The following FUBP3 variants were observed in gnomAD, a reference collection of about 807,000 sequenced individuals.
FUBP3 encodes far upstream element-binding protein 3.
In FUBP3, 28 loss-of-function variants were observed where a neutral mutation model predicts 85.6. The observed-to-expected ratio is 0.33, with a 90% CI of 0.24 to 0.45. FUBP3 has a LOEUF of 0.45. Among genes scored for constraint, FUBP3 ranks in the 20% least tolerant of loss-of-function variants. The probability of loss-of-function intolerance (pLI) is 1.00; values close to 1 mark genes in which losing one functional copy is unlikely to be tolerated. For missense variants in FUBP3, 583 were observed against 755.1 expected, an observed-to-expected ratio of 0.77 and a Z score of 2.67; for synonymous variants, 271 against 271.4, an observed-to-expected ratio of 1.00 and a Z score of 0.01.
Position 130,579,619 on chromosome 9 carries a change from C to A in FUBP3, c.-62C>A. Reference sequence around the variant, plus strand: ...CCCCAAGCGGAGCGGGAGGCCGGACCGGGGAGCCGAGCGGCGGCGTCGGCG... The same window carrying A: ...CCCCAAGCGGAGCGGGAGGCCGGACAGGGGAGCCGAGCGGCGGCGTCGGCG... On this transcript the variant is annotated 5_prime_UTR_variant, in exon 1 of 19. Coordinates refer to ENST00000319725, the MANE Select transcript of FUBP3 (RefSeq NM_003934.2). 9.5e-7 allele frequency: 1 copy of A among 1,053,354 alleles called. No homozygotes were observed. Among genetic ancestry groups the A allele is most frequent in the Non-Finnish European group, 1.2e-6 (1 of 825,444 alleles). 65.3% of individuals were successfully genotyped at this position (1,053,354 alleles called of 1,614,324 possible). A position where few individuals can be genotyped will look rare whatever the true frequency, so the allele number is the denominator to read the frequency against.
At chr9:130,590,546 C>T (rs1740774496) in intron 1 of FUBP3, among the ~76,000 whole-genome samples, 1 of 152,208 alleles carries the variant, frequency 6.6e-6, no homozygotes, top group African/African-American at 2.4e-5. Flanking sequence ...GCAGAGTCCT[C>T]TCAGGGTCAC....
chr9:130,631,519 A>G (rs748245098), intron 13 of FUBP3, 38 bp from the exon 14 acceptor site: 34 of 1,571,556 alleles, frequency 2.2e-5, no homozygotes, highest in South Asian at 3.3e-5. Context: ...GAGGTGTGCA[A>G]CCAACAGCGG....
intron 18 of FUBP3, among the ~76,000 whole-genome samples, chr9:130,636,498 G>A (rs940607814): frequency 2.1e-4 from 32 of 152,230 alleles, no homozygotes; most frequent in African/African-American, 7.5e-4. Flanking sequence ...GACTGCTCTC[G>A]AGGAGGGTGG....
intron 1 of FUBP3, among the ~76,000 whole-genome samples, chr9:130,589,785 A>G (rs1482796341): frequency 1.4e-5 from 2 of 138,556 alleles, no homozygotes; most frequent in Middle Eastern, 4.4e-3. Flanking sequence ...ACCATAGCTC[A>G]CTGTAACTTT....
intron 2 of FUBP3, among the ~76,000 whole-genome samples, chr9:130,598,914 G>T (rs1169625629): frequency 6.6e-6 from 1 of 152,216 alleles, no homozygotes; most frequent in African/African-American, 2.4e-5. Context: ...TGTAATCCCA[G>T]CTACCCAGGA....
chr9:130,582,472 A>G (rs974291927), intron 1 of FUBP3, among the ~76,000 whole-genome samples: 1 of 151,832 alleles, frequency 6.6e-6, no homozygotes, highest in Non-Finnish European at 1.5e-5. Flanking sequence ...AAGAAAAAGA[A>G]AAAGAAAGAA....
At chr9:130,594,609 T>C (rs939483447) in intron 1 of FUBP3, among the ~76,000 whole-genome samples, 4 of 151,708 alleles carry the variant, frequency 2.6e-5, no homozygotes, top group Admixed American at 6.6e-5. Context: ...TTTTAAAAAA[T>C]TTAGCTGGAC....
At chr9:130,590,212 G>A (rs191774198) in intron 1 of FUBP3, among the ~76,000 whole-genome samples, 13 of 152,106 alleles carry the variant, frequency 8.5e-5, no homozygotes, top group Non-Finnish European at 1.6e-4. Context: ...TATCTCCCAA[G>A]ATCACCTTGT....
chr9:130,588,496 T>C (rs1261495785), intron 1 of FUBP3, among the ~76,000 whole-genome samples: 2 of 152,154 alleles, frequency 1.3e-5, no homozygotes, highest in Non-Finnish European at 2.9e-5. Context: ...TTATGATCCA[T>C]GTATTTTTCT....
At chr9:130,597,798 C>T (rs868104506) in intron 2 of FUBP3, among the ~76,000 whole-genome samples, 11 of 152,190 alleles carry the variant, frequency 7.2e-5, no homozygotes, top group African/African-American at 2.4e-4. Flanking sequence ...TTAATTTTAT[C>T]GAGCTGTAAT....
intron 1 of FUBP3, among the ~76,000 whole-genome samples, chr9:130,589,334 A>ATTATTTAT (rs571009997): frequency 1.3e-4 from 19 of 150,872 alleles, no homozygotes; most frequent in Middle Eastern, 3.4e-3. Flanking sequence ...TTAAATTTAC[A>ATTATTTAT]TTATTTATTT....
intron 6 of FUBP3, among the ~76,000 whole-genome samples, chr9:130,615,243 G>A (rs10901229): frequency 0.35 from 53,149 of 152,006 alleles, 10,900 homozygotes; most frequent in African/African-American, 0.57. Context: ...CTAGTACACA[G>A]GCAAAATATT....
At chr9:130,579,881 C>G in intron 1 of FUBP3, 117 bp downstream of exon 1, 1 of 585,826 alleles carries the variant, frequency 1.7e-6, no homozygotes, top group Non-Finnish European at 2.5e-6. Flanking sequence ...CTCAGCCGGG[C>G]CGGGCCGTTC....
chr9:130,632,301 T>C (rs1348926756), intron 16 of FUBP3, 23 bp downstream of exon 16: 2 of 1,578,182 alleles, frequency 1.3e-6, no homozygotes. Flanking sequence ...GGGCGGGGAG[T>C]GCATGCCCTC....
Position 130,637,022 on chromosome 9 carries a change from G to A in FUBP3, c.1719G>A (p.Ter573=), listed in dbSNP as rs1191859479. The A allele has an allele frequency of 6.2e-7, 1 of 1,612,624 alleles. No individual in the cohort carries two copies. Among genetic ancestry groups the A allele is most frequent in the Non-Finnish European group, 8.5e-7 (1 of 1,178,720 alleles). ...TTCCCTTCCGCCCACAGGAGCAGTA[G>A]GACAGCGTCCTCGTGGCCAACTCTC... The part of the protein sequence containing the change: ...GQAQAHSQEQ[*] Residue 573 remains the stop codon, a stop_retained_variant, in exon 19 of 19, where the codon TAG becomes TAA. Coordinates refer to ENST00000319725, the MANE Select transcript of FUBP3 (RefSeq NM_003934.2).
chr9:130,627,060 G>A (rs924375813), intron 12 of FUBP3, among the ~76,000 whole-genome samples: 8 of 152,214 alleles, frequency 5.3e-5, no homozygotes, highest in Non-Finnish European at 1.2e-4. Context: ...TGGGCATTTT[G>A]GAGAACATTA....
intron 12 of FUBP3, among the ~76,000 whole-genome samples, chr9:130,629,808 C>T (rs1488821899): frequency 6.6e-6 from 1 of 152,186 alleles, no homozygotes; most frequent in Non-Finnish European, 1.5e-5. Flanking sequence ...TCCAAGTTAT[C>T]CTTGTATTCT....
Position 130,621,645 on chromosome 9 carries a change from G to A in FUBP3, c.772-1063G>A, listed in dbSNP as rs111367099. ...GTTCAGGCCGGGCATGGTGGCTCAC[G>A]CCTGTAATCCCAGCACTTTGGGAGG... is the stretch of plus-strand genomic sequence containing the variant. On this transcript the variant is annotated intron_variant, in intron 9 of 18. Coordinates refer to ENST00000319725, the MANE Select transcript of FUBP3 (RefSeq NM_003934.2). Among the ~76,000 whole-genome samples the A allele has an allele frequency of 7.8e-4, 119 of 152,334 alleles. 1 individual carries two copies. Among genetic ancestry groups the A allele is most frequent in the African/African-American group, 2.8e-3 (115 of 41,576 alleles).
intron 7 of FUBP3, among the ~76,000 whole-genome samples, chr9:130,617,280 T>C (rs1832056112): frequency 6.6e-6 from 1 of 152,232 alleles, no homozygotes; most frequent in African/African-American, 2.4e-5. Context: ...GAGTAAAGGA[T>C]TGTGGCTTCC....
Sources: allele counts gnomAD v4.1 joint callset (sites outside exome capture counted in the v4.1 genomes callset), GRCh38; gene constraint gnomAD v4.1.1; transcripts MANE v1.5; gene names NCBI Gene and HGNC (gene_info 2026-07-23, HGNC 2026-07-21).